The following KCNK3 variants were observed in gnomAD, a reference collection of about 807,000 sequenced individuals.
The protein encoded by KCNK3 is potassium two pore domain channel subfamily K member 3.
KCNK3 carries 9 observed loss-of-function variants against 27.3 expected under a neutral mutation model. That is an observed-to-expected ratio of 0.33 (90% CI 0.20 to 0.57). KCNK3 has a LOEUF of 0.57. Among genes scored for constraint, KCNK3 ranks in the 20% least tolerant of loss-of-function variants. KCNK3 has a pLI of 0.87. For missense variants in KCNK3, 391 were observed against 577.7 expected, an observed-to-expected ratio of 0.68 and a Z score of 3.31; for synonymous variants, 278 against 273.8, an observed-to-expected ratio of 1.02 and a Z score of -0.15.
At chr2:26,710,316 G>C (rs1475926496) in intron 1 of KCNK3, among the ~76,000 whole-genome samples, 29 of 152,208 alleles carry the variant, frequency 1.9e-4, no homozygotes, top group Non-Finnish European at 2.9e-5. Context: ...TGCCTCCAGA[G>C]GCAGCCAGGA....
chr2:26,709,754 G>A (rs755600452), intron 1 of KCNK3, among the ~76,000 whole-genome samples: 2 of 152,172 alleles, frequency 1.3e-5, no homozygotes, highest in African/African-American at 2.4e-5. Flanking sequence ...AGAGACCCAT[G>A]AGGGAGTTAG....
At chr2:26,715,052 C>T (rs1232865387) in intron 1 of KCNK3, among the ~76,000 whole-genome samples, 4 of 152,220 alleles carry the variant, frequency 2.6e-5, no homozygotes, top group Non-Finnish European at 4.4e-5. Context: ...GTCTCCTTAG[C>T]TGAAAAGCCA....
In KCNK3 at chr2:26,695,785, G is replaced by C. The variant is rs965011475; in HGVS notation, c.283+2627G>C. ...CACCAAGAGAGACGCTAAAAGCCAT[G>C]GGGGGAGAGGCAGACAGAGTGCGGT... On this transcript the variant is annotated intron_variant, in intron 1 of 1. Transcript: ENST00000302909. Among the ~76,000 whole-genome samples, 32 of 152,264 alleles carry C rather than the reference G, an allele frequency of 2.1e-4. No individual in the cohort carries two copies. The South Asian group carries it at 3.7e-3, about 18-fold the overall frequency.
intron 1 of KCNK3, among the ~76,000 whole-genome samples, chr2:26,710,854 A>T (rs144171245): frequency 4.1e-4 from 62 of 152,316 alleles, no homozygotes; most frequent in African/African-American, 1.5e-3. Context: ...AAAGCCTGAC[A>T]GGGGGCTGCA....
intron 1 of KCNK3, among the ~76,000 whole-genome samples, chr2:26,708,825 T>C (rs536268414): frequency 1.4e-4 from 22 of 152,332 alleles, no homozygotes; most frequent in African/African-American, 5.3e-4. Context: ...ATGGTGGCAG[T>C]GCAAACAAAA....
Position 26,693,342 on chromosome 2 carries a change from G to T in KCNK3, c.283+184G>T, listed in dbSNP as rs1280016216. On this transcript the variant is annotated intron_variant, in intron 1 of 1. Transcript: ENST00000302909. The surrounding 1 kb of genome is among the most constrained non-coding windows in gnomAD (Gnocchi z 5.5). ...CTCCGCGGGGACGGAACTCGGGGAG[G>T]CGTCGATTCCTGGCTCCGGACCTGA... Among the ~76,000 whole-genome samples, 1 of 152,200 alleles carries T rather than the reference G, an allele frequency of 6.6e-6. No individual in the cohort carries two copies. Among genetic ancestry groups the T allele is most frequent in the Non-Finnish European group, 1.5e-5 (1 of 68,028 alleles).
intron 1 of KCNK3, among the ~76,000 whole-genome samples, chr2:26,705,128 C>A (rs1206481423): frequency 6.6e-6 from 1 of 152,142 alleles, no homozygotes; most frequent in Non-Finnish European, 1.5e-5. Context: ...CTACACCCAG[C>A]TAATTTTTAA....
Position 26,728,187 on chromosome 2 carries a change from G to C in KCNK3, c.804G>C (p.Gly268=), listed in dbSNP as rs759867333. The C allele has an allele frequency of 1.9e-6, 3 of 1,567,724 alleles. No individual in the cohort carries two copies. The South Asian group carries it at 3.5e-5, about 18-fold the overall frequency. The change falls in exon 2 of 2, where the codon GGG becomes GGC. Residue 268 remains glycine (G), a synonymous_variant. Transcript: ENST00000302909. ...AEHRALLTRN[G]QAGGGGGGGS... is the part of the protein sequence containing the mutation. Reference sequence around the variant, plus strand: ...ACCGCGCGCTGCTCACGCGCAACGGGCAGGCGGGCGGCGGCGGAGGGGGTG... The same window carrying C: ...ACCGCGCGCTGCTCACGCGCAACGGCCAGGCGGGCGGCGGCGGAGGGGGTG...
intron 1 of KCNK3, among the ~76,000 whole-genome samples, chr2:26,699,028 C>T (rs376911817): frequency 3.4e-4 from 52 of 151,894 alleles, no homozygotes; most frequent in African/African-American, 1.1e-3. Flanking sequence ...AAATACAAAA[C>T]TTAGCCGGGC....
rs1328847655 is a variant in KCNK3, at chr2:26,729,329, G to C, written c.*761G>C. ...TTCCAGACACTGCCCTTAGAATCTGGAACAGAAGACTTCAGACTCACCATA... is the reference window on the plus strand; with the variant it reads ...TTCCAGACACTGCCCTTAGAATCTGCAACAGAAGACTTCAGACTCACCATA... On this transcript the variant is annotated 3_prime_UTR_variant, in exon 2 of 2. Coordinates refer to ENST00000302909, the MANE Select transcript of KCNK3 (RefSeq NM_002246.3). 1 of 152,228 alleles carries C rather than the reference G, an allele frequency of 6.6e-6. No homozygotes were observed. Among genetic ancestry groups the C allele is most frequent in the Non-Finnish European group, 1.5e-5 (1 of 68,050 alleles). The allele number at this position is 152,228 out of a possible 1,614,324, so 9.4% of individuals were successfully genotyped here.
intron 1 of KCNK3, among the ~76,000 whole-genome samples, chr2:26,701,959 A>C (rs958703736): frequency 3.9e-5 from 6 of 152,004 alleles, no homozygotes; most frequent in African/African-American, 4.8e-5. Context: ...ATCAATAAAT[A>C]AAAACTTTTA....
In KCNK3 at chr2:26,720,482, G is replaced by A. The variant is rs367795334; in HGVS notation, c.284-7185G>A. On this transcript the variant is annotated intron_variant, in intron 1 of 1. Coordinates refer to ENST00000302909, the MANE Select transcript of KCNK3 (RefSeq NM_002246.3). ...TCTGCAAACACTGACCTTGGCTGCC[G>A]CAGGGATTTTCCATGACACCAGCAC... Among the ~76,000 whole-genome samples the A allele has an allele frequency of 1.5e-4, 23 of 152,296 alleles. No homozygotes were observed. In the South Asian group the frequency reaches 1.9e-3, roughly 12 times the overall value.
intron 1 of KCNK3, among the ~76,000 whole-genome samples, chr2:26,707,223 G>A (rs1670386510): frequency 6.6e-6 from 1 of 152,190 alleles, no homozygotes; most frequent in African/African-American, 2.4e-5. Context: ...GAATGCAGGA[G>A]CCTCCCACCC....
chr2:26,726,106 C>CAGAGAGAGAGAG (rs1168877805), intron 1 of KCNK3, among the ~76,000 whole-genome samples: 1 of 81,720 alleles, frequency 1.2e-5, no homozygotes, highest in African/African-American at 6.7e-5. Context: ...CACACACACA[C>CAGAGAGAGAGAG]AGAGAGAGAG....
intron 1 of KCNK3, among the ~76,000 whole-genome samples, chr2:26,713,238 G>A (rs1345231920): frequency 1.3e-5 from 2 of 152,232 alleles, no homozygotes; most frequent in African/African-American, 2.4e-5. Flanking sequence ...GAAGAGATGA[G>A]GGAGGGAAGT....
At chr2:26,717,635 C>T (rs1211126190) in intron 1 of KCNK3, among the ~76,000 whole-genome samples, 1 of 152,260 alleles carries the variant, frequency 6.6e-6, no homozygotes, top group Admixed American at 6.5e-5. Context: ...CTCACAGATG[C>T]CCTGTCCAGC....
Position 26,693,243 on chromosome 2 carries a change from CG to C in KCNK3, c.283+90del. ...GTCCGGGGCCGGCTGGGGCTGGGGG[CG>C]GGGGCTCCCCCGAGAGGGGCTGGGC... is the stretch of plus-strand genomic sequence containing the variant. On this transcript the variant is annotated intron_variant, in intron 1 of 1. Coordinates refer to ENST00000302909, the MANE Select transcript of KCNK3 (RefSeq NM_002246.3). The surrounding 1 kb of genome is among the most constrained non-coding windows in gnomAD (Gnocchi z 5.5). The C allele has an allele frequency of 1.2e-5, 3 of 243,212 alleles. No homozygotes were observed. Among genetic ancestry groups the C allele is most frequent in the Non-Finnish European group, 1.5e-5 (2 of 130,644 alleles). The allele number at this position is 243,212 out of a possible 1,614,324, so 15.1% of individuals were successfully genotyped here.
chr2:26,718,325 C>T (rs1663268068), intron 1 of KCNK3, among the ~76,000 whole-genome samples: 1 of 152,280 alleles, frequency 6.6e-6, no homozygotes. Context: ...ATTCCTGAAC[C>T]CACCCTTGAA....
At chr2:26,716,038 C>T (rs745701203) in intron 1 of KCNK3, among the ~76,000 whole-genome samples, 11 of 152,222 alleles carry the variant, frequency 7.2e-5, no homozygotes, top group Non-Finnish European at 8.8e-5. Flanking sequence ...AGAAGAAGCG[C>T]TCGAGGCCCA....
Sources: allele counts gnomAD v4.1 joint callset (sites outside exome capture counted in the v4.1 genomes callset), GRCh38; gene constraint gnomAD v4.1.1; non-coding constraint Gnocchi (gnomAD v3.1); transcripts MANE v1.5; gene names NCBI Gene and HGNC (gene_info 2026-07-23, HGNC 2026-07-21).